Variants in CCNH observed in about 807,000 individuals in gnomAD.
The protein encoded by CCNH is cyclin H.
Under a neutral mutation model 41.9 loss-of-function variants are expected in CCNH, and 31 were observed. That is an observed-to-expected ratio of 0.74 (90% CI 0.56 to 1.00). CCNH has a LOEUF of 1.00. Among genes scored for constraint, CCNH ranks in the 50% least tolerant of loss-of-function variants. CCNH has a pLI of 0.00. For missense variants in CCNH, 362 were observed against 388.4 expected, an observed-to-expected ratio of 0.93 and a Z score of 0.57; for synonymous variants, 138 against 136.1, an observed-to-expected ratio of 1.01 and a Z score of -0.10.
chr5:87,394,387 G>A lies in CCNH; in HGVS notation c.*59C>T, dbSNP rs140477440. The A allele has an allele frequency of 1.5e-5, 24 of 1,577,484 alleles. No individual in the cohort carries two copies. Among genetic ancestry groups the A allele is most frequent in the East Asian group, 9.0e-5 (4 of 44,354 alleles). On this transcript the variant is annotated 3_prime_UTR_variant, in exon 9 of 9. Coordinates refer to ENST00000256897, the MANE Select transcript of CCNH (RefSeq NM_001239.4). The stretch of plus-strand genomic sequence containing the variant: ...TTATACTTTTTAAATAAAGTTAAAC[G>A]TTTGATATGCTTCCTACTTCTCTTG...
chr5:87,393,806 A>AAAAC (rs1468191307), downstream of CCNH: 2 of 152,034 alleles, frequency 1.3e-5, no homozygotes, highest in African/African-American at 4.8e-5. Flanking sequence ...ACAAAATTAA[A>AAAAC]AAACAACCAC....
chr5:87,321,195 A>C (rs964213423), intron 9 of CCNH, among the ~76,000 whole-genome samples: 9 of 152,210 alleles, frequency 5.9e-5, no homozygotes, highest in African/African-American at 2.2e-4. Context: ...CAGTAGTTTT[A>C]TGTCTAGGAA....
chr5:87,362,604 C>T lies in CCNH; in HGVS notation c.*90+30166G>A, dbSNP rs1309613906. On this transcript the variant is annotated intron_variant and NMD_transcript_variant, in intron 9 of 9. Transcript: ENST00000645953. ...TGGATGGCAAGGAAATCTATAATAC[C>T]ATCCGTCGTAAAACAAAGGATGCCT... The T allele has an allele frequency of 3.1e-6, 5 of 1,596,256 alleles. No homozygotes were observed. Among genetic ancestry groups the T allele is most frequent in the Non-Finnish European group, 4.3e-6 (5 of 1,164,064 alleles).
intron 9 of CCNH, among the ~76,000 whole-genome samples, chr5:87,365,902 A>C (rs543528913): frequency 1.5e-4 from 23 of 152,258 alleles, no homozygotes; most frequent in South Asian, 4.1e-4. Context: ...GTAGACCTGA[A>C]TTCCATATTA....
upstream of CCNH, among the ~76,000 whole-genome samples, chr5:87,378,092 TATC>T (rs1300101290): frequency 3.9e-5 from 6 of 152,362 alleles, no homozygotes; most frequent in East Asian, 9.6e-4. Flanking sequence ...GTCCTAATTT[TATC>T]ATTAGCTGTC....
Position 87,407,973 on chromosome 5 carries a change from T to G in CCNH, c.525+3A>C, listed in dbSNP as rs1229639689. ...GTATTAGTTTATTTTACATCAAGTT[T>G]ACCTTTAAGTCGATGAGGAAGCCCT... On this transcript the variant is annotated splice_donor_region_variant and intron_variant, in intron 4 of 8. Transcript: ENST00000256897. 6.3e-7 allele frequency: 1 copy of G among 1,598,158 alleles called. No individual in the cohort carries two copies. Among genetic ancestry groups the G allele is most frequent in the Non-Finnish European group, 8.6e-7 (1 of 1,165,742 alleles).
chr5:87,386,989 G>A, downstream of CCNH: 1 of 1,245,440 alleles, frequency 8.0e-7, no homozygotes, highest in South Asian at 1.3e-5. Flanking sequence ...TCTTTAGAAA[G>A]ATTTTCTATC....
At chr5:87,332,004 T>C (rs1473195342) in intron 9 of CCNH, among the ~76,000 whole-genome samples, 1 of 152,106 alleles carries the variant, frequency 6.6e-6, no homozygotes, top group Admixed American at 6.6e-5. Flanking sequence ...TAGAAGAAAT[T>C]GAAAAAAATC....
At chr5:87,409,532 A>C (rs1580466136) in intron 2 of CCNH, among the ~76,000 whole-genome samples, 169 bp from the exon 3 acceptor site, 1 of 152,166 alleles carries the variant, frequency 6.6e-6, no homozygotes, top group Non-Finnish European at 1.5e-5. Context: ...GAATTACTAC[A>C]GAAATGCCAT....
exon 1 of CCNH, chr5:87,376,289 A>G: frequency 7.5e-7 from 1 of 1,336,468 alleles, no homozygotes; most frequent in South Asian, 1.3e-5. Flanking sequence ...TTTAATGAAA[A>G]GCATTTAACA....
At position 87,338,518 on chromosome 5, in the gene CCNH, TA is replaced by T. The variant is rs1561292326; in HGVS notation, c.*91-19622del. Among the ~76,000 whole-genome samples the T allele has an allele frequency of 1.7e-4, 17 of 100,610 alleles. 1 individual carries two copies. Among genetic ancestry groups the T allele is most frequent in the East Asian group, 1.6e-3 (5 of 3,180 alleles). The allele number at this position is 100,610 out of a possible 152,430, so 66.0% of individuals were successfully genotyped here. On this transcript the variant is annotated intron_variant and NMD_transcript_variant, in intron 9 of 9. Transcript: ENST00000645953. The stretch of plus-strand genomic sequence containing the variant: ...AGCTAATTTTATATATATATATATA[TA>T]TATATATATATATAAAATTTTTTTT...
At chr5:87,389,928 T>C (rs899357507), downstream of CCNH, among the ~76,000 whole-genome samples, 1 of 152,168 alleles carries the variant, frequency 6.6e-6, no homozygotes, top group Admixed American at 6.5e-5. Context: ...CAAATGATTA[T>C]TATTTGGGAT....
At chr5:87,346,778 T>G (rs1222009111) in intron 9 of CCNH, 13 of 1,332,276 alleles carry the variant, frequency 9.8e-6, no homozygotes, top group Admixed American at 5.2e-5. Flanking sequence ...AATAAAAAAG[T>G]GAACAAACCA....
chr5:87,384,196 A>T lies in CCNH; in HGVS notation c.*90+8574T>A, dbSNP rs114527147. On this transcript the variant is annotated intron_variant and NMD_transcript_variant, in intron 9 of 9. Coordinates refer to the CCNH transcript ENST00000645953. ...ACAGTTGGAATAGTATTCTGTGAGT[A>T]CTTATGAAGAAAGCAGTCCTGGTTC... Among the ~76,000 whole-genome samples the T allele has an allele frequency of 7.6e-3, 1,159 of 152,250 alleles. 15 individuals are homozygous for T. The highest frequency in any genetic ancestry group is 0.027 in the African/African-American group (1,138 of 41,542).
chr5:87,367,864 A>G (rs1448781685), intron 9 of CCNH, among the ~76,000 whole-genome samples: 1 of 152,072 alleles, frequency 6.6e-6, no homozygotes, highest in Non-Finnish European at 1.5e-5. Context: ...GAGGTAATGT[A>G]TCTTTGTCTT....
At chr5:87,332,814 A>G (rs1330835298) in intron 9 of CCNH, among the ~76,000 whole-genome samples, 1 of 152,118 alleles carries the variant, frequency 6.6e-6, no homozygotes, top group Non-Finnish European at 1.5e-5. Flanking sequence ...TGAAAAAAAA[A>G]GAAAATATTT....
At chr5:87,403,057 G>A (rs1483671932) in intron 5 of CCNH, among the ~76,000 whole-genome samples, 1 of 152,000 alleles carries the variant, frequency 6.6e-6, no homozygotes, top group Non-Finnish European at 1.5e-5. Flanking sequence ...CAGAAATAAC[G>A]GTAATAATCC....
At chr5:87,340,995 A>C (rs1326193547) in intron 9 of CCNH, among the ~76,000 whole-genome samples, 2 of 151,190 alleles carry the variant, frequency 1.3e-5, no homozygotes, top group Admixed American at 6.6e-5. Flanking sequence ...AATGTAGGGC[A>C]CAGCTGCTGT....
chr5:87,382,979 ACTACT>A (rs908432803), intron 9 of CCNH, among the ~76,000 whole-genome samples: 23 of 151,982 alleles, frequency 1.5e-4, no homozygotes, highest in African/African-American at 5.3e-4. Flanking sequence ...TGTAGTCCTA[ACTACT>A]CTAAGCCTGA....
Sources: allele counts gnomAD v4.1 joint callset (sites outside exome capture counted in the v4.1 genomes callset), GRCh38; gene constraint gnomAD v4.1.1; transcripts MANE v1.5; gene names NCBI Gene and HGNC (gene_info 2026-07-23, HGNC 2026-07-21).